The following PITPNM2 variants were observed in gnomAD, a reference collection of about 807,000 sequenced individuals.
The protein encoded by PITPNM2 is membrane-associated phosphatidylinositol transfer protein 2.
Under a neutral mutation model 132.2 loss-of-function variants are expected in PITPNM2, and 35 were observed. That is an observed-to-expected ratio of 0.26 (90% confidence interval 0.20 to 0.35). The LOEUF (loss-of-function observed/expected upper bound fraction) is 0.35. Ranked by LOEUF, PITPNM2 falls within the 10% of genes least tolerant of loss-of-function variation. The pLI is 1.00. For missense variants in PITPNM2, 1,332 were observed against 1,912.0 expected (o/e 0.70, Z 5.66); for synonymous variants, 738 against 799.2 (o/e 0.92, Z 1.29).
chr12:123,112,612 C>T (rs1302084521), intron 1 of PITPNM2, among the ~76,000 whole-genome samples: 1 of 150,360 alleles, frequency 6.7e-6, no homozygotes, highest in African/African-American at 2.5e-5. Context: ...TATCTCGGCT[C>T]ACTGCAAGCT....
chr12:123,128,751 CAA>C (rs776224035), intron 1 of PITPNM2, among the ~76,000 whole-genome samples: 30 of 91,942 alleles, frequency 3.3e-4, no homozygotes, highest in Middle Eastern at 9.1e-3. Context: ...GACTCGATAT[CAA>C]AAAAAAAAAA....
At chr12:123,085,944 G>A (rs906743910) in intron 2 of PITPNM2, among the ~76,000 whole-genome samples, 1 of 152,340 alleles carries the variant, frequency 6.6e-6, no homozygotes, top group East Asian at 1.9e-4. Context: ...CGGCCAGCCA[G>A]ATGCCACAGG....
intron 3 of PITPNM2, among the ~76,000 whole-genome samples, chr12:123,024,096 T>C (rs562987813): frequency 1.8e-4 from 27 of 152,106 alleles, no homozygotes; most frequent in African/African-American, 5.8e-4. Context: ...TCTAAAAAAA[T>C]AGTAAGAATA....
rs1357684619 is a variant in PITPNM2 at position 123,022,618 on chromosome 12, T to C, written c.79-8576A>G. On this transcript the variant is annotated intron_variant, in intron 3 of 25. Transcript: ENST00000320201. The surrounding 1 kb of genome is among the most constrained non-coding windows in gnomAD (Gnocchi z 4.9). ...GCCCTGAGATGTTGTGGGATCATGC[T>C]CCCCACTCCACAAGTAAGAAACTGA... 6.6e-6 allele frequency among the ~76,000 whole-genome samples: 1 copy of C among 152,040 alleles called. No homozygotes were observed. Among genetic ancestry groups the C allele is most frequent in the Non-Finnish European group, 1.5e-5 (1 of 68,008 alleles).
rs751819631 is a variant in PITPNM2 at position 123,095,483 on chromosome 12, G to A, written c.-96+14902C>T. On this transcript the variant is annotated intron_variant, in intron 2 of 25. Coordinates refer to ENST00000320201, the MANE Select transcript of PITPNM2 (RefSeq NM_020845.3). This position sits in a 1 kb window ranked among gnomAD's most constrained non-coding sequence, Gnocchi z 5.0. ...CAGGTACTCAACAAAGCAAGATGTC[G>A]TGATGTTGCCACCAGCCTGCCCCCT... Among the ~76,000 whole-genome samples, 1 of 152,154 alleles carries A rather than the reference G, an allele frequency of 6.6e-6. No homozygotes were observed. The highest frequency in any genetic ancestry group is 1.9e-4 in the East Asian group (1 of 5,198).
chr12:122,990,793 C>A, intron 16 of PITPNM2, 84 bp from the exon 17 acceptor site: 1 of 1,405,378 alleles, frequency 7.1e-7, no homozygotes, highest in Non-Finnish European at 9.5e-7. Context: ...TGCCAGGGTC[C>A]AGTGTGCACC....
intron 1 of PITPNM2, among the ~76,000 whole-genome samples, chr12:123,112,461 T>C (rs1292328100): frequency 1.3e-5 from 2 of 152,014 alleles, no homozygotes; most frequent in African/African-American, 4.8e-5. Flanking sequence ...CAAGACCAAA[T>C]AATACATCGT....
intron 2 of PITPNM2, among the ~76,000 whole-genome samples, chr12:123,073,944 C>T (rs1372119607): frequency 6.6e-6 from 1 of 152,218 alleles, no homozygotes; most frequent in Non-Finnish European, 1.5e-5. Flanking sequence ...GCTCTCCTCA[C>T]CCAACCTCCT....
chr12:123,146,321 G>A (rs867559237), intron 1 of PITPNM2, among the ~76,000 whole-genome samples: 6 of 152,146 alleles, frequency 3.9e-5, no homozygotes, highest in Non-Finnish European at 7.4e-5. Context: ...ACAGCTGGGC[G>A]TGGTGGCTCA....
chr12:123,109,053 G>A (rs900990213), intron 2 of PITPNM2, among the ~76,000 whole-genome samples: 7 of 152,162 alleles, frequency 4.6e-5, no homozygotes, highest in Admixed American at 1.3e-4. Context: ...GTGTAAAAAG[G>A]GACCCTAACA....
chr12:123,134,484 A>T (rs1373282562), intron 1 of PITPNM2, among the ~76,000 whole-genome samples: 1 of 152,146 alleles, frequency 6.6e-6, no homozygotes, highest in African/African-American at 2.4e-5. Flanking sequence ...TGGGCTTCGC[A>T]TGAGTCAGTG....
intron 2 of PITPNM2, among the ~76,000 whole-genome samples, chr12:123,093,791 A>C (rs1041334821): frequency 2.0e-5 from 3 of 152,268 alleles, no homozygotes; most frequent in African/African-American, 7.2e-5. Context: ...TGAGACCAGA[A>C]GCCACAAGAC....
In PITPNM2 at chr12:123,097,062, T is replaced by C. The variant is rs1237000359; in HGVS notation, c.-96+13323A>G. Among the ~76,000 whole-genome samples the C allele has an allele frequency of 6.6e-6, 1 of 152,152 alleles. No homozygotes were observed. The highest frequency in any genetic ancestry group is 6.5e-5 in the Admixed American group (1 of 15,274). ...ATTTATTTTTAATTTATTTTTTTGG[T>C]ATGGAGTCTCGCTCTTGTCGCCCAG... is the stretch of plus-strand genomic sequence containing the variant. On this transcript the variant is annotated intron_variant, in intron 2 of 25. Coordinates refer to ENST00000320201, the MANE Select transcript of PITPNM2 (RefSeq NM_020845.3). The surrounding 1 kb of genome is among the most constrained non-coding windows in gnomAD (Gnocchi z 4.7).
Position 122,994,976 on chromosome 12 carries a change from G to A in PITPNM2, c.2058C>T (p.Leu686=). 6.2e-7 allele frequency: 1 copy of A among 1,603,308 alleles called. No homozygotes were observed. The highest frequency in any genetic ancestry group is 8.5e-7 in the Non-Finnish European group (1 of 1,176,818). Residue 686 remains leucine (L), a synonymous_variant, in exon 15 of 26, where the codon CTC becomes CTT. Transcript: ENST00000320201. The surrounding 1 kb of genome is among the most constrained non-coding windows in gnomAD (Gnocchi z 5.4). Reference sequence around the variant, plus strand: ...GCTCAGTCCTCAGCACGCTGGCATGGAGGCTGCAGACCCAAATAAGACTTA... The same window carrying A: ...GCTCAGTCCTCAGCACGCTGGCATGAAGGCTGCAGACCCAAATAAGACTTA... ...IQQHQAFLSS[L]HASVLRTEPC...
chr12:123,056,468 T>C (rs969007073), intron 2 of PITPNM2, among the ~76,000 whole-genome samples: 1 of 152,190 alleles, frequency 6.6e-6, no homozygotes, highest in African/African-American at 2.4e-5. Flanking sequence ...CATACAGGTA[T>C]GTGGACGGCC....
intron 1 of PITPNM2, among the ~76,000 whole-genome samples, chr12:123,134,843 G>A (rs563317963): frequency 1.2e-3 from 189 of 152,202 alleles, no homozygotes; most frequent in African/African-American, 4.3e-3. Flanking sequence ...AGGCCTCTGC[G>A]GGACTCAGTT....
chr12:123,000,233 C>G lies in PITPNM2; in HGVS notation c.1224+545G>C. 1.7e-6 allele frequency: 1 copy of G among 603,990 alleles called. No homozygotes were observed. The highest frequency in any genetic ancestry group is 2.9e-6 in the Non-Finnish European group (1 of 339,608). 37.4% of individuals were successfully genotyped at this position (603,990 alleles called of 1,614,324 possible). A position where few individuals can be genotyped will look rare whatever the true frequency, so the allele number is the denominator to read the frequency against. ...GGCTCCTGTCCCAGTGCAAACAGCTCTGACGGCCCGCAGGTGGAGGAGGAT... is the reference window on the plus strand; with the variant it reads ...GGCTCCTGTCCCAGTGCAAACAGCTGTGACGGCCCGCAGGTGGAGGAGGAT... On this transcript the variant is annotated intron_variant, in intron 10 of 25. Transcript: ENST00000320201. This position sits in a 1 kb window ranked among gnomAD's most constrained non-coding sequence, Gnocchi z 5.4.
Position 123,005,622 on chromosome 12 carries a change from G to A in PITPNM2, c.644-74C>T. The A allele has an allele frequency of 1.4e-6, 2 of 1,472,030 alleles. No homozygotes were observed. Among genetic ancestry groups the A allele is most frequent in the Admixed American group, 1.9e-5 (1 of 53,772 alleles). The allele number at this position is 1,472,030 out of a possible 1,614,324, so 91.2% of individuals were successfully genotyped here. On this transcript the variant is annotated intron_variant, in intron 6 of 25. Coordinates refer to ENST00000320201, the MANE Select transcript of PITPNM2 (RefSeq NM_020845.3). The surrounding 1 kb of genome is among the most constrained non-coding windows in gnomAD (Gnocchi z 6.2). ...GCGCAGGAGCCTGCACGGAAGTGTG[G>A]GGCCCAGGCAGGGGCTTTGGGAGGC... is the stretch of plus-strand genomic sequence containing the variant.
rs1392025965 is a variant in PITPNM2 at position 123,036,815 on chromosome 12, C to G, written c.-95-2130G>C. 6.6e-6 allele frequency among the ~76,000 whole-genome samples: 1 copy of G among 152,140 alleles called. No individual in the cohort carries two copies. Among genetic ancestry groups the G allele is most frequent in the Non-Finnish European group, 1.5e-5 (1 of 68,014 alleles). ...TCCCCTCCTTGGGGTGGCCCCAGGC[C>G]CTGCTATATCCATAAGGACTCTTGC... On this transcript the variant is annotated intron_variant, in intron 2 of 25. Transcript: ENST00000320201. This position sits in a 1 kb window ranked among gnomAD's most constrained non-coding sequence, Gnocchi z 4.1.
Sources: allele counts gnomAD v4.1 joint callset (sites outside exome capture counted in the v4.1 genomes callset), GRCh38; gene constraint gnomAD v4.1.1; non-coding constraint Gnocchi (gnomAD v3.1); transcripts MANE v1.5; gene names NCBI Gene and HGNC (gene_info 2026-07-23, HGNC 2026-07-21).